Variants in TYW1 observed in about 807,000 individuals in gnomAD.
TYW1 encodes tRNA-yW synthesizing protein 1 homolog.
Under a neutral mutation model 96.2 loss-of-function variants are expected in TYW1, and 46 were observed. The ratio of observed to expected loss-of-function variants is 0.48; its 90% CI spans 0.38 to 0.61. The LOEUF (loss-of-function observed/expected upper bound fraction) is 0.61, where lower values mean the gene tolerates loss of function less well. Ranked by LOEUF, TYW1 falls within the 20% of genes least tolerant of loss-of-function variation. The pLI, the probability that TYW1 is intolerant of heterozygous loss-of-function variation, is 0.00. For missense variants in TYW1, 684 were observed against 909.6 expected, an observed-to-expected ratio of 0.75 and a Z score of 3.19; for synonymous variants, 274 against 323.0, an observed-to-expected ratio of 0.85 and a Z score of 1.63.
chr7:67,214,400 C>T (rs1801140995), intron 15 of TYW1, among the ~76,000 whole-genome samples: 2 of 152,050 alleles, frequency 1.3e-5, no homozygotes, highest in Non-Finnish European at 2.9e-5. Context: ...CTTTGTTTTT[C>T]ATTGATTCTT....
chr7:67,064,294 CTTACTAT>C (rs1427351592), intron 9 of TYW1, among the ~76,000 whole-genome samples: 5 of 152,164 alleles, frequency 3.3e-5, no homozygotes, highest in Non-Finnish European at 7.3e-5. Context: ...GATCTTGTAG[CTTACTAT>C]ATTGTTGCAG....
At position 67,098,641 on chromosome 7, in the gene TYW1, C is replaced by T; in HGVS notation, c.1485C>T (p.Asn495=). 1.2e-6 allele frequency: 2 copies of T among 1,614,022 alleles called. No homozygotes were observed. Residue 495 remains asparagine, a synonymous_variant, in exon 12 of 16, where the codon AAC becomes AAT. Coordinates refer to ENST00000359626, the MANE Select transcript of TYW1 (RefSeq NM_018264.4). Reference sequence around the variant, plus strand: ...AACCAATAATGTACCCAGAGATCAACAGGTTTTTGAAGCTACTCCACCAGT... The same window carrying T: ...AACCAATAATGTACCCAGAGATCAATAGGTTTTTGAAGCTACTCCACCAGT... The part of the protein sequence containing the change: ...VGEPIMYPEI[N]RFLKLLHQCK...
intron 12 of TYW1, among the ~76,000 whole-genome samples, chr7:67,108,601 C>T (rs1217493853): frequency 2.0e-5 from 3 of 151,774 alleles, no homozygotes; most frequent in South Asian, 2.1e-4. Context: ...GCCACCACAC[C>T]GGCTAATTTT....
intron 7 of TYW1, among the ~76,000 whole-genome samples, chr7:67,044,863 AC>A (rs1795138982): frequency 6.6e-6 from 1 of 151,610 alleles, no homozygotes; most frequent in Non-Finnish European, 1.5e-5. Context: ...CAGGTTATCC[AC>A]CCACCTCCAC....
At chr7:67,104,894 A>C (rs1251357834) in intron 12 of TYW1, among the ~76,000 whole-genome samples, 1 of 152,242 alleles carries the variant, frequency 6.6e-6, no homozygotes, top group Non-Finnish European at 1.5e-5. Context: ...ACCCACCTCA[A>C]ACTAACTAAC....
chr7:67,095,270 A>G (rs1354623376), intron 11 of TYW1, among the ~76,000 whole-genome samples: 1 of 151,974 alleles, frequency 6.6e-6, no homozygotes, highest in Non-Finnish European at 1.5e-5. Context: ...AAGTGCTGGG[A>G]TTACAGGCAT....
intron 3 of TYW1, among the ~76,000 whole-genome samples, chr7:67,003,834 G>C (rs1445434339): frequency 1.3e-5 from 2 of 152,082 alleles, no homozygotes; most frequent in Non-Finnish European, 2.9e-5. Context: ...CTTGAGGTCA[G>C]GAGTTTGAGA....
intron 13 of TYW1, among the ~76,000 whole-genome samples, chr7:67,132,907 A>G (rs1313172691): frequency 6.6e-6 from 1 of 152,084 alleles, no homozygotes; most frequent in Admixed American, 6.6e-5. Flanking sequence ...ACAGTTTCTA[A>G]CTCTGCAGTG....
chr7:67,066,189 A>G (rs957600782), intron 9 of TYW1, among the ~76,000 whole-genome samples: 2 of 152,144 alleles, frequency 1.3e-5, no homozygotes, highest in Non-Finnish European at 2.9e-5. Context: ...TCAGTGGGGA[A>G]TGACATTGAT....
chr7:67,084,497 C>T (rs1312997190), intron 11 of TYW1, among the ~76,000 whole-genome samples: 1 of 151,812 alleles, frequency 6.6e-6, no homozygotes, highest in Non-Finnish European at 1.5e-5. Context: ...GGTCAGTAAG[C>T]CCAAGAGTAT....
At chr7:67,113,299 A>G (rs966412483) in intron 12 of TYW1, among the ~76,000 whole-genome samples, 1 of 152,104 alleles carries the variant, frequency 6.6e-6, no homozygotes, top group East Asian at 1.9e-4. Flanking sequence ...TCTTGGCCTC[A>G]GTGTGCAGTT....
chr7:67,153,398 G>A (rs9690121), intron 13 of TYW1, among the ~76,000 whole-genome samples: 1 of 152,160 alleles, frequency 6.6e-6, no homozygotes, highest in African/African-American at 2.4e-5. Context: ...GGAGGTTGCA[G>A]TGAGCCGAGA....
intron 13 of TYW1, among the ~76,000 whole-genome samples, chr7:67,163,797 T>G (rs958481852): frequency 3.3e-5 from 5 of 151,956 alleles, no homozygotes; most frequent in Non-Finnish European, 7.4e-5. Context: ...GCCTTCTGAG[T>G]AGCTGAGTTT....
chr7:67,200,304 G>T (rs554490904), intron 15 of TYW1, among the ~76,000 whole-genome samples: 1 of 151,964 alleles, frequency 6.6e-6, no homozygotes, highest in African/African-American at 2.4e-5. Flanking sequence ...GTATTTGTCC[G>T]CTTTCACGCT....
In TYW1 at chr7:67,017,834, A is replaced by G. The variant is rs1794078101; in HGVS notation, c.571-19A>G. On this transcript the variant is annotated intron_variant, in intron 5 of 15. Coordinates refer to ENST00000359626, the MANE Select transcript of TYW1 (RefSeq NM_018264.4). ...ATTTAGAGAACCGTGCTTTTAGCCT[A>G]TCTATCTTTTCCTCACAGGTTGGCA... 2 of 1,603,004 alleles carry G rather than the reference A, an allele frequency of 1.2e-6. No individual in the cohort carries two copies. The highest frequency in any genetic ancestry group is 1.7e-6 in the Non-Finnish European group (2 of 1,172,506).
At chr7:67,207,675 G>GTTTGCCTTT (rs1800850346) in intron 15 of TYW1, among the ~76,000 whole-genome samples, 1 of 56,114 alleles carries the variant, frequency 1.8e-5, no homozygotes, top group Non-Finnish European at 3.7e-5. Context: ...CACAAATTTT[G>GTTTGCCTTT]TTTGCCTTTT....
chr7:67,195,431 G>T (rs1379468450), intron 15 of TYW1, 94 bp downstream of exon 15: 4 of 1,566,940 alleles, frequency 2.6e-6, no homozygotes, highest in Non-Finnish European at 3.5e-6. Flanking sequence ...TTGTTATAGG[G>T]ATTATCTGCT....
chr7:67,072,946 T>G (rs1446419393), intron 10 of TYW1, among the ~76,000 whole-genome samples: 12 of 114,354 alleles, frequency 1.0e-4, no homozygotes, highest in African/African-American at 3.4e-4. Flanking sequence ...TTTTTTTTTT[T>G]TTTTTTTTTT....
chr7:67,102,199 A>G (rs1364412252), intron 12 of TYW1, among the ~76,000 whole-genome samples: 1 of 152,228 alleles, frequency 6.6e-6, no homozygotes, highest in Non-Finnish European at 1.5e-5. Context: ...TTGTTTGATC[A>G]TGAATGGAAT....
Sources: gnomAD v4.1 joint callset for allele counts (sites outside exome capture counted in the v4.1 genomes callset) on GRCh38, gnomAD v4.1.1 for gene constraint, MANE v1.5 for transcripts, NCBI Gene and HGNC (gene_info 2026-07-23, HGNC 2026-07-21) for gene names.